Variants in AGBL4 observed in about 807,000 individuals in gnomAD.
The protein encoded by AGBL4 is cytosolic carboxypeptidase 6.
AGBL4 carries 58 observed loss-of-function variants against 66.4 expected under a neutral mutation model. That is an observed-to-expected ratio of 0.87 (90% CI 0.71 to 1.09). The LOEUF (loss-of-function observed/expected upper bound fraction) is 1.09. Among genes scored for constraint, AGBL4 ranks in the 50% least tolerant of loss-of-function variants. The pLI is 0.00. For synonymous variants in AGBL4, 234 were observed against 222.9 expected (o/e 1.05, Z -0.44); for missense variants, 579 against 631.0 (o/e 0.92, Z 0.88).
intron 3 of AGBL4, among the ~76,000 whole-genome samples, chr1:49,657,344 A>T (rs1158859093): frequency 6.6e-6 from 1 of 152,214 alleles, no homozygotes; most frequent in East Asian, 1.9e-4. Context: ...ACCACTGCTC[A>T]AGGAAATAAG....
intron 5 of AGBL4, among the ~76,000 whole-genome samples, chr1:49,030,820 CAAAAAAA>C (rs34872551): frequency 3.7e-4 from 23 of 62,068 alleles, no homozygotes; most frequent in Admixed American, 1.9e-3. Context: ...TAAGTAGAGG[CAAAAAAA>C]AAAAAAAAAA....
At chr1:49,473,272 G>A (rs1385894249) in intron 3 of AGBL4, among the ~76,000 whole-genome samples, 2 of 152,044 alleles carry the variant, frequency 1.3e-5, no homozygotes, top group Admixed American at 1.3e-4. Flanking sequence ...CGGTGTATAA[G>A]TGTTCCTTTT....
At chr1:48,948,425 G>A (rs1008456906) in intron 5 of AGBL4, among the ~76,000 whole-genome samples, 3 of 152,104 alleles carry the variant, frequency 2.0e-5, no homozygotes, top group South Asian at 2.1e-4. Context: ...TGGTTTTGCC[G>A]CCTTTCACTG....
At chr1:48,629,457 A>G (rs1277268734) in intron 9 of AGBL4, among the ~76,000 whole-genome samples, 1 of 152,178 alleles carries the variant, frequency 6.6e-6, no homozygotes, top group Non-Finnish European at 1.5e-5. Flanking sequence ...CAGAACAGTT[A>G]GAACTGGCTC....
chr1:49,672,300 CAAAG>C (rs1416200667), intron 3 of AGBL4, among the ~76,000 whole-genome samples: 1 of 146,274 alleles, frequency 6.8e-6, no homozygotes, highest in Non-Finnish European at 1.5e-5. Context: ...CATATAAACA[CAAAG>C]AAGGAACAGG....
At chr1:49,975,300 T>C (rs1376156604) in intron 1 of AGBL4, among the ~76,000 whole-genome samples, 2 of 152,218 alleles carry the variant, frequency 1.3e-5, no homozygotes, top group Admixed American at 6.5e-5. Flanking sequence ...TAAAATCTCA[T>C]ACAAACTCTG....
In AGBL4 at chr1:49,587,073, G is replaced by A. The variant is rs148201489; in HGVS notation, c.282+110240C>T. On this transcript the variant is annotated intron_variant, in intron 3 of 13. Coordinates refer to ENST00000371839, the MANE Select transcript of AGBL4 (RefSeq NM_032785.4). ...AGCCTGGCCAAAATGGTGAATCCTCGTCTCTGATAAAAATACAAAAAAATT... is the reference window on the plus strand; with the variant it reads ...AGCCTGGCCAAAATGGTGAATCCTCATCTCTGATAAAAATACAAAAAAATT... Among the ~76,000 whole-genome samples, 1,305 of 151,980 alleles carry A rather than the reference G, an allele frequency of 8.6e-3. 5 individuals are homozygous for A. The highest frequency in any genetic ancestry group is 0.014 in the Non-Finnish European group (970 of 67,972).
chr1:49,973,693 T>C (rs1047708916), intron 1 of AGBL4, among the ~76,000 whole-genome samples: 2 of 148,584 alleles, frequency 1.3e-5, no homozygotes, highest in African/African-American at 4.9e-5. Context: ...ATAGAAATGA[T>C]ATTGTTATAT....
At chr1:49,790,008 G>A (rs2147925585) in intron 2 of AGBL4, among the ~76,000 whole-genome samples, 1 of 152,232 alleles carries the variant, frequency 6.6e-6, no homozygotes, top group South Asian at 2.1e-4. Flanking sequence ...ACAGAAGAGA[G>A]GCTTGAGAAA....
In AGBL4 at chr1:48,644,353, C is replaced by T. The variant is rs115287166; in HGVS notation, c.839+8984G>A. ...ACTTTCCCTATCCCAACCCTCTTGG[C>T]TGGGTTAAGAGGTGCCTCCTCAGTG... On this transcript the variant is annotated intron_variant, in intron 8 of 13. Coordinates refer to ENST00000371839, the MANE Select transcript of AGBL4 (RefSeq NM_032785.4). Among the ~76,000 whole-genome samples, 1,285 of 152,278 alleles carry T rather than the reference C, an allele frequency of 8.4e-3. 24 individuals carry two copies. The highest frequency in any genetic ancestry group is 0.03 in the African/African-American group (1,239 of 41,546).
intron 6 of AGBL4, among the ~76,000 whole-genome samples, chr1:48,762,132 G>C (rs1644286441): frequency 6.6e-6 from 1 of 152,214 alleles, no homozygotes; most frequent in African/African-American, 2.4e-5. Context: ...CCCAGAGGAT[G>C]GAAGAGGCTT....
rs1301478193 is a variant in AGBL4 at position 48,562,847 on chromosome 1, A to C, written c.1268-23109T>G. On this transcript the variant is annotated intron_variant, in intron 11 of 13. Transcript: ENST00000371839. ...TTATTCATGCAATAATTTGTGTAAA[A>C]TGTTAACTGTGTGCCAGGTACCATG... 2.0e-5 allele frequency among the ~76,000 whole-genome samples: 3 copies of C among 152,318 alleles called. No homozygotes were observed. In the East Asian group the frequency reaches 5.8e-4, roughly 29 times the overall value.
chr1:48,583,673 G>A (rs1157412054), intron 11 of AGBL4, among the ~76,000 whole-genome samples: 1 of 152,160 alleles, frequency 6.6e-6, no homozygotes, highest in African/African-American at 2.4e-5. Flanking sequence ...CACGGATGAT[G>A]TTGGTGCTGT....
intron 3 of AGBL4, among the ~76,000 whole-genome samples, chr1:49,426,869 GAGA>G (rs1645671422): frequency 6.6e-6 from 1 of 152,270 alleles, no homozygotes. Flanking sequence ...TATCTAGCTG[GAGA>G]AGAAGGAAGT....
At chr1:49,812,652 C>A (rs1307000975) in intron 2 of AGBL4, among the ~76,000 whole-genome samples, 1 of 152,124 alleles carries the variant, frequency 6.6e-6, no homozygotes, top group South Asian at 2.1e-4. Flanking sequence ...ATGTAGACCA[C>A]TAATGCCCAC....
chr1:48,694,071 C>T (rs954669450), intron 6 of AGBL4, among the ~76,000 whole-genome samples: 8 of 139,274 alleles, frequency 5.7e-5, no homozygotes, highest in East Asian at 4.0e-4. Flanking sequence ...AAAAAAAAAG[C>T]GGCAGAGCCT....
intron 6 of AGBL4, chr1:48,817,906 T>C (rs1051912897): frequency 1.6e-6 from 1 of 619,820 alleles, no homozygotes; most frequent in African/African-American, 1.8e-5. Context: ...AGATCCATTT[T>C]GGGTGAATGG....
At chr1:48,684,234 G>C (rs1425378863) in intron 6 of AGBL4, among the ~76,000 whole-genome samples, 1 of 152,244 alleles carries the variant, frequency 6.6e-6, no homozygotes, top group Admixed American at 6.5e-5. Context: ...AAACGGATTG[G>C]CTCCTTCTCT....
rs1661190095 is a variant in AGBL4 at position 48,998,731 on chromosome 1, G to T, written c.594+46853C>A. On this transcript the variant is annotated intron_variant, in intron 5 of 13. Transcript: ENST00000371839. ...TATATAACTGTGGGGAGTAGAGCTG[G>T]CTGCCAGTGTAGACTGCTCAATTCA... Among the ~76,000 whole-genome samples, 3 of 152,216 alleles carry T rather than the reference G, an allele frequency of 2.0e-5. No homozygotes were observed. The South Asian group carries it at 6.2e-4, about 32-fold the overall frequency.
Sources: gnomAD v4.1 joint callset for allele counts (sites outside exome capture counted in the v4.1 genomes callset) on GRCh38, gnomAD v4.1.1 for gene constraint, MANE v1.5 for transcripts, NCBI Gene and HGNC (gene_info 2026-07-23, HGNC 2026-07-21) for gene names.